The following CNTN4 variants were observed in gnomAD, a reference collection of about 807,000 sequenced individuals.
The protein encoded by CNTN4 is contactin 4.
CNTN4 carries 77 observed loss-of-function variants against 122.5 expected under a neutral mutation model. That is an observed-to-expected ratio of 0.63 (90% CI 0.52 to 0.76). CNTN4 has a LOEUF of 0.76. Ranked by LOEUF, CNTN4 falls within the 30% of genes least tolerant of loss-of-function variation. The pLI is 0.00. For synonymous variants in CNTN4, 512 were observed against 447.0 expected (o/e 1.15, Z -1.83); for missense variants, 1,256 against 1,259.1 (o/e 1.00, Z 0.04).
At chr3:2,844,815 A>G (rs1393190685) in intron 7 of CNTN4, among the ~76,000 whole-genome samples, 1 of 152,210 alleles carries the variant, frequency 6.6e-6, no homozygotes, top group Non-Finnish European at 1.5e-5. Flanking sequence ...GGCTCTCTCA[A>G]CCCACCACCC....
At chr3:2,659,235 A>G (rs1202408987) in intron 4 of CNTN4, among the ~76,000 whole-genome samples, 1 of 151,944 alleles carries the variant, frequency 6.6e-6, no homozygotes, top group Non-Finnish European at 1.5e-5. Flanking sequence ...GGCCAAGGCG[A>G]GCAGATCACT....
At chr3:2,228,402 G>A (rs889788111) in intron 2 of CNTN4, among the ~76,000 whole-genome samples, 1 of 152,086 alleles carries the variant, frequency 6.6e-6, no homozygotes, top group African/African-American at 2.4e-5. Context: ...ATTTGTTTAA[G>A]TATTGGCTGT....
intron 14 of CNTN4, among the ~76,000 whole-genome samples, chr3:3,003,086 C>A (rs1696211912): frequency 6.6e-6 from 1 of 152,156 alleles, no homozygotes; most frequent in Non-Finnish European, 1.5e-5. Flanking sequence ...GGCCACCAAA[C>A]ACAAGCAAGC....
intron 4 of CNTN4, among the ~76,000 whole-genome samples, chr3:2,678,028 G>A (rs542330943): frequency 6.6e-6 from 1 of 152,226 alleles, no homozygotes; most frequent in Admixed American, 6.5e-5. Flanking sequence ...AAGCTTACCA[G>A]AAGTGTTTTC....
At chr3:2,950,003 T>A (rs1034760388) in intron 13 of CNTN4, among the ~76,000 whole-genome samples, 2 of 152,218 alleles carry the variant, frequency 1.3e-5, no homozygotes, top group African/African-American at 4.8e-5. Context: ...ATATCTACAA[T>A]TTGAGGAAGG....
intron 10 of CNTN4, among the ~76,000 whole-genome samples, chr3:2,897,643 C>T (rs984134850): frequency 6.6e-6 from 1 of 152,052 alleles, no homozygotes; most frequent in Non-Finnish European, 1.5e-5. Context: ...TTTAGATATA[C>T]CTTATACACA....
intron 3 of CNTN4, among the ~76,000 whole-genome samples, chr3:2,374,194 T>C (rs1295782157): frequency 6.6e-6 from 1 of 152,136 alleles, no homozygotes; most frequent in Non-Finnish European, 1.5e-5. Context: ...CCATTGTCTG[T>C]CCATAGATTG....
intron 6 of CNTN4, among the ~76,000 whole-genome samples, chr3:2,802,284 C>T (rs1195146993): frequency 6.6e-6 from 1 of 152,168 alleles, no homozygotes; most frequent in Non-Finnish European, 1.5e-5. Context: ...ATATTTAAGT[C>T]ACCCAACACT....
intron 2 of CNTN4, among the ~76,000 whole-genome samples, chr3:2,184,782 T>C (rs1398709483): frequency 6.6e-6 from 1 of 152,148 alleles, no homozygotes; most frequent in Non-Finnish European, 1.5e-5. Flanking sequence ...ACACTGAACC[T>C]GCTGGCACCT....
At chr3:2,235,801 G>A (rs1353845052) in intron 2 of CNTN4, among the ~76,000 whole-genome samples, 1 of 151,848 alleles carries the variant, frequency 6.6e-6, no homozygotes, top group Non-Finnish European at 1.5e-5. Flanking sequence ...TTTATTTATT[G>A]TTACAATACA....
chr3:3,029,000 C>T (rs73118704), intron 15 of CNTN4, among the ~76,000 whole-genome samples: 3,255 of 151,900 alleles, frequency 0.021, 110 homozygotes, highest in African/African-American at 0.075. Flanking sequence ...TTTTAGTGTA[C>T]TACGGTCCTG....
chr3:2,432,100 GTT>G (rs2048095070), intron 3 of CNTN4, among the ~76,000 whole-genome samples: 1 of 152,118 alleles, frequency 6.6e-6, no homozygotes, highest in African/African-American at 2.4e-5. Context: ...GAATATTTTT[GTT>G]TCTTCATTTT....
chr3:2,647,900 A>G (rs780802217), intron 4 of CNTN4, among the ~76,000 whole-genome samples: 3 of 152,214 alleles, frequency 2.0e-5, no homozygotes, highest in Non-Finnish European at 4.4e-5. Context: ...TAGGAGAGAC[A>G]TTTACTTTGT....
intron 2 of CNTN4, among the ~76,000 whole-genome samples, chr3:2,216,993 A>T (rs1042393537): frequency 6.6e-6 from 1 of 152,122 alleles, no homozygotes; most frequent in Non-Finnish European, 1.5e-5. Context: ...TTTTATATTA[A>T]AAGCTCTTGG....
chr3:2,302,081 G>C (rs765270530), intron 2 of CNTN4, among the ~76,000 whole-genome samples: 2 of 152,130 alleles, frequency 1.3e-5, no homozygotes, highest in Non-Finnish European at 2.9e-5. Flanking sequence ...TTTTGTGGCA[G>C]AAATTTTATG....
In CNTN4 at chr3:2,655,081, C is replaced by G. The variant is rs2083526382; in HGVS notation, c.56-81134C>G. Among the ~76,000 whole-genome samples the G allele has an allele frequency of 2.6e-5, 4 of 152,286 alleles. No homozygotes were observed. The South Asian group carries it at 8.3e-4, about 32-fold the overall frequency. On this transcript the variant is annotated intron_variant, in intron 4 of 24. Transcript: ENST00000418658. ...TCTAAGGTGCAGCCACGTAGAGTCA[C>G]TTATTCTCTGAAGGGTCCCACCCTA...
At chr3:2,277,505 T>C (rs2041559538) in intron 2 of CNTN4, among the ~76,000 whole-genome samples, 1 of 152,200 alleles carries the variant, frequency 6.6e-6, no homozygotes, top group African/African-American at 2.4e-5. Flanking sequence ...TTTCTTTTCT[T>C]ACCATTGTTT....
intron 4 of CNTN4, among the ~76,000 whole-genome samples, chr3:2,703,341 G>C (rs954931552): frequency 3.3e-5 from 5 of 152,110 alleles, no homozygotes; most frequent in African/African-American, 1.2e-4. Flanking sequence ...GAATATAATA[G>C]CTTACATGAA....
intron 14 of CNTN4, among the ~76,000 whole-genome samples, chr3:3,017,339 G>A (rs968104230): frequency 6.6e-6 from 1 of 152,182 alleles, no homozygotes; most frequent in Non-Finnish European, 1.5e-5. Flanking sequence ...GTCTAAAAGA[G>A]ATCAAATGTG....
Sources: allele counts gnomAD v4.1 joint callset (sites outside exome capture counted in the v4.1 genomes callset), GRCh38; gene constraint gnomAD v4.1.1; transcripts MANE v1.5; gene names NCBI Gene and HGNC (gene_info 2026-07-23, HGNC 2026-07-21).